TTC28: variants seen among roughly 807,000 people sequenced by gnomAD.
TTC28 encodes the protein tetratricopeptide repeat domain 28.
A neutral mutation model predicts 198.0 loss-of-function variants in TTC28; 61 were observed. The ratio of observed to expected loss-of-function variants is 0.31; its 90% CI spans 0.25 to 0.38. The LOEUF (loss-of-function observed/expected upper bound fraction) is 0.38, where lower values mean the gene tolerates loss of function less well. Ranked by LOEUF, TTC28 falls within the 10% of genes least tolerant of loss-of-function variation. TTC28 has a pLI of 1.00. For missense variants in TTC28, 2,678 were observed against 3,164.0 expected, an observed-to-expected ratio of 0.85 and a Z score of 3.69; for synonymous variants, 1,171 against 1,297.8, an observed-to-expected ratio of 0.90 and a Z score of 2.10.
intron 2 of TTC28, among the ~76,000 whole-genome samples, chr22:28,539,635 CA>C (rs1017246741): frequency 5.6e-4 from 69 of 124,072 alleles, no homozygotes; most frequent in African/African-American, 5.7e-4. Flanking sequence ...GACACTGTCT[CA>C]AAAAAAAAAA....
chr22:28,559,680 A>G (rs2049840033), intron 2 of TTC28, among the ~76,000 whole-genome samples: 1 of 152,158 alleles, frequency 6.6e-6, no homozygotes, highest in Non-Finnish European at 1.5e-5. Context: ...ACAACGGGTC[A>G]TTCTCTCCTT....
At chr22:28,151,460 G>A (rs1330265802) in intron 6 of TTC28, among the ~76,000 whole-genome samples, 5 of 152,112 alleles carry the variant, frequency 3.3e-5, no homozygotes, top group African/African-American at 4.8e-5. Flanking sequence ...TTACTGCCCC[G>A]TCTTCCTCTG....
At chr22:28,365,187 C>T (rs1452180632) in intron 2 of TTC28, among the ~76,000 whole-genome samples, 2 of 152,158 alleles carry the variant, frequency 1.3e-5, no homozygotes, top group African/African-American at 2.4e-5. Context: ...GCTTGATGAT[C>T]ATTAGAATTT....
At chr22:28,522,474 G>A (rs1336370577) in intron 2 of TTC28, among the ~76,000 whole-genome samples, 3 of 149,770 alleles carry the variant, frequency 2.0e-5, no homozygotes, top group Middle Eastern at 3.5e-3. Flanking sequence ...GGCAACAAGT[G>A]CGAAACTCCG....
intron 12 of TTC28, among the ~76,000 whole-genome samples, chr22:28,082,855 C>A (rs568950467): frequency 6.6e-5 from 10 of 152,226 alleles, no homozygotes; most frequent in African/African-American, 2.4e-4. Flanking sequence ...TAGAATTCCC[C>A]AGTGAATACA....
At chr22:28,028,739 T>G in intron 13 of TTC28, 1 of 295,516 alleles carries the variant, frequency 3.4e-6, no homozygotes, top group Non-Finnish European at 6.7e-6. Flanking sequence ...TTTAGCACTA[T>G]TCTTCCCACT....
chr22:28,264,524 T>C (rs532929800), intron 5 of TTC28, among the ~76,000 whole-genome samples: 16 of 152,162 alleles, frequency 1.1e-4, no homozygotes, highest in Admixed American at 2.0e-4. Flanking sequence ...TTACAGGCTC[T>C]GGGAAGGAGA....
At chr22:28,170,209 C>T (rs999973998) in intron 5 of TTC28, among the ~76,000 whole-genome samples, 2 of 152,090 alleles carry the variant, frequency 1.3e-5, no homozygotes, top group Admixed American at 6.5e-5. Context: ...GAAATTAGGC[C>T]GGGTGCGGTG....
intron 2 of TTC28, among the ~76,000 whole-genome samples, chr22:28,536,449 C>A (rs1355015513): frequency 6.6e-6 from 1 of 151,226 alleles, no homozygotes; most frequent in Non-Finnish European, 1.5e-5. Context: ...ACGGTGAAAC[C>A]CCGTCTCTAC....
At chr22:28,219,724 A>G (rs957868515) in intron 5 of TTC28, among the ~76,000 whole-genome samples, 6 of 152,230 alleles carry the variant, frequency 3.9e-5, no homozygotes, top group African/African-American at 1.2e-4. Context: ...GGGAAAATTA[A>G]TATGAGAATG....
At chr22:28,275,604 C>T (rs573134880) in intron 5 of TTC28, among the ~76,000 whole-genome samples, 4 of 152,172 alleles carry the variant, frequency 2.6e-5, no homozygotes, top group Admixed American at 2.6e-4. Flanking sequence ...CATGAAAGTG[C>T]CCTTTTCCTC....
At chr22:28,094,305 TGAAGGCAGGGGACAG>T in intron 11 of TTC28, 60 bp from the exon 12 acceptor site, 1 of 1,449,844 alleles carries the variant, frequency 6.9e-7, no homozygotes, top group Non-Finnish European at 9.2e-7. Flanking sequence ...AAGGAGAAGT[TGAAGGCAGGGGACAG>T]GAATGCCAAT....
At chr22:28,314,841 AC>A (rs1379926545) in intron 2 of TTC28, among the ~76,000 whole-genome samples, 1 of 152,136 alleles carries the variant, frequency 6.6e-6, no homozygotes, top group African/African-American at 2.4e-5. Flanking sequence ...CCACTGCATT[AC>A]AGCCTGGGAA....
intron 2 of TTC28, among the ~76,000 whole-genome samples, chr22:28,562,844 C>A (rs2049908913): frequency 6.6e-6 from 1 of 152,146 alleles, no homozygotes; most frequent in African/African-American, 2.4e-5. Context: ...CAGAAATGGG[C>A]CAGCACAGTG....
chr22:28,339,205 G>A (rs190613041), intron 2 of TTC28, among the ~76,000 whole-genome samples: 109 of 152,224 alleles, frequency 7.2e-4, no homozygotes, highest in African/African-American at 2.4e-3. Flanking sequence ...GCAGAACAGC[G>A]GATATTGGTG....
At chr22:28,348,714 A>G (rs189976572) in intron 2 of TTC28, among the ~76,000 whole-genome samples, 29 of 152,328 alleles carry the variant, frequency 1.9e-4, no homozygotes, top group East Asian at 1.9e-4. Context: ...CTGCTAACCA[A>G]TCGATGGCTT....
At chr22:28,422,189 T>C (rs1601376704) in intron 2 of TTC28, among the ~76,000 whole-genome samples, 2 of 152,186 alleles carry the variant, frequency 1.3e-5, no homozygotes, top group South Asian at 4.1e-4. Context: ...ACAGTGTCCA[T>C]GTTCAAAAAC....
chr22:28,043,913 T>A (rs991751696), intron 12 of TTC28, among the ~76,000 whole-genome samples: 1 of 152,056 alleles, frequency 6.6e-6, no homozygotes, highest in African/African-American at 2.4e-5. Flanking sequence ...GAACCACCCA[T>A]GAGGGCAGAG....
intron 2 of TTC28, among the ~76,000 whole-genome samples, chr22:28,528,360 C>G (rs1419872073): frequency 1.3e-5 from 2 of 151,972 alleles, no homozygotes; most frequent in Non-Finnish European, 2.9e-5. Context: ...GAAGTGGTTC[C>G]ATATTACTTC....
Sources: gnomAD v4.1 joint callset for allele counts (sites outside exome capture counted in the v4.1 genomes callset) on GRCh38, gnomAD v4.1.1 for gene constraint, MANE v1.5 for transcripts, NCBI Gene and HGNC (gene_info 2026-07-23, HGNC 2026-07-21) for gene names.